The following RALYL variants were observed in gnomAD, a reference collection of about 807,000 sequenced individuals.
The protein encoded by RALYL is RALY RNA binding protein like, also known as RNA-binding Raly-like protein.
A neutral mutation model predicts 35.1 loss-of-function variants in RALYL; 29 were observed. The ratio of observed to expected loss-of-function variants is 0.83; its 90% confidence interval spans 0.61 to 1.13. The LOEUF (loss-of-function observed/expected upper bound fraction) is 1.13. RALYL is among the 50% of genes most tolerant of loss of function. The pLI, the probability that RALYL is intolerant of heterozygous loss-of-function variation, is 0.00. For synonymous variants in RALYL, 120 were observed against 127.6 expected (o/e 0.94, Z 0.40); for missense variants, 359 against 360.4 (o/e 1.00, Z 0.03).
At chr8:84,425,408 T>G (rs958461165) in intron 1 of RALYL, among the ~76,000 whole-genome samples, 2 of 152,144 alleles carry the variant, frequency 1.3e-5, no homozygotes, top group Non-Finnish European at 1.5e-5. Flanking sequence ...CTGCTTCGGC[T>G]CGCGCACGGT....
chr8:84,668,827 G>A (rs1333043121), intron 2 of RALYL, among the ~76,000 whole-genome samples: 1 of 152,030 alleles, frequency 6.6e-6, no homozygotes, highest in Admixed American at 6.6e-5. Flanking sequence ...GATATTAAAG[G>A]ATTTTTTTAA....
chr8:84,434,984 AC>A (rs2047545408), intron 1 of RALYL, among the ~76,000 whole-genome samples: 1 of 152,174 alleles, frequency 6.6e-6, no homozygotes, highest in Non-Finnish European at 1.5e-5. Flanking sequence ...TGATATTTGA[AC>A]ACACTAACAT....
At chr8:84,322,164 A>G (rs1844979697) in intron 1 of RALYL, among the ~76,000 whole-genome samples, 1 of 152,224 alleles carries the variant, frequency 6.6e-6, no homozygotes, top group South Asian at 2.1e-4. Flanking sequence ...AGCAGTATAA[A>G]TCAACTTCAT....
intron 4 of RALYL, among the ~76,000 whole-genome samples, chr8:84,836,738 T>A (rs1832103764): frequency 6.6e-6 from 1 of 152,196 alleles, no homozygotes; most frequent in Non-Finnish European, 1.5e-5. Context: ...AGAAGAAGGA[T>A]CCTGTAGATA....
chr8:84,680,915 A>G (rs562516256), intron 2 of RALYL, among the ~76,000 whole-genome samples: 21 of 152,068 alleles, frequency 1.4e-4, no homozygotes, highest in Admixed American at 1.3e-3. Flanking sequence ...TTAGACATGA[A>G]GTCCTTGCCC....
chr8:84,673,446 G>A (rs192618214), intron 2 of RALYL, among the ~76,000 whole-genome samples: 33 of 151,992 alleles, frequency 2.2e-4, no homozygotes, highest in African/African-American at 6.8e-4. Context: ...ATTTTTGCTC[G>A]TACCTATATC....
At chr8:84,611,510 G>A (rs928941007) in intron 2 of RALYL, among the ~76,000 whole-genome samples, 7 of 151,844 alleles carry the variant, frequency 4.6e-5, no homozygotes, top group Admixed American at 1.3e-4. Flanking sequence ...AGAGATATGC[G>A]GGTGTGTGTT....
At chr8:84,315,809 C>G (rs537135989) in intron 1 of RALYL, among the ~76,000 whole-genome samples, 104 of 148,456 alleles carry the variant, frequency 7.0e-4, no homozygotes, top group African/African-American at 2.5e-3. Context: ...CTCTGCTATC[C>G]CACTGCCTGA....
intron 1 of RALYL, among the ~76,000 whole-genome samples, chr8:84,290,973 CTT>C (rs1183702714): frequency 1.3e-5 from 2 of 151,924 alleles, no homozygotes; most frequent in Non-Finnish European, 2.9e-5. Context: ...TTTCAGATCT[CTT>C]TTCCATATCT....
intron 5 of RALYL, among the ~76,000 whole-genome samples, chr8:84,856,243 G>A (rs1347124956): frequency 6.6e-6 from 1 of 152,154 alleles, no homozygotes; most frequent in African/African-American, 2.4e-5. Context: ...TTTTGTGCCA[G>A]TTTCCTTCCT....
At chr8:84,512,226 G>C (rs960400921) in intron 1 of RALYL, among the ~76,000 whole-genome samples, 2 of 151,602 alleles carry the variant, frequency 1.3e-5, no homozygotes, top group African/African-American at 2.4e-5. Flanking sequence ...TGTTATTGTT[G>C]TTATCTTTTT....
intron 1 of RALYL, among the ~76,000 whole-genome samples, chr8:84,266,399 A>G (rs933672951): frequency 6.6e-6 from 1 of 152,218 alleles, no homozygotes; most frequent in Non-Finnish European, 1.5e-5. Context: ...TCAGAGCTCC[A>G]AGAGAATGAG....
chr8:84,532,572 C>T (rs947835410), intron 2 of RALYL, among the ~76,000 whole-genome samples: 8 of 151,902 alleles, frequency 5.3e-5, no homozygotes, highest in African/African-American at 1.7e-4. Context: ...GTGTCAGGTA[C>T]CACGACCTAT....
chr8:84,462,094 C>A (rs78108887), intron 1 of RALYL, among the ~76,000 whole-genome samples: 2,514 of 151,590 alleles, frequency 0.017, 70 homozygotes, highest in African/African-American at 0.057. Context: ...TACTTCCGTG[C>A]CACCTTTTGG....
At chr8:84,207,920 G>C (rs1420962228) in intron 1 of RALYL, among the ~76,000 whole-genome samples, 1 of 151,796 alleles carries the variant, frequency 6.6e-6, no homozygotes, top group Non-Finnish European at 1.5e-5. Flanking sequence ...TTTCATCAAA[G>C]GGAAATTAGG....
chr8:84,632,596 T>TGTGA (rs757861751), intron 2 of RALYL, among the ~76,000 whole-genome samples: 97 of 151,844 alleles, frequency 6.4e-4, no homozygotes, highest in Non-Finnish European at 1.2e-3. Context: ...TGTGTGTGTG[T>TGTGA]GTGTGTGTGT....
At chr8:84,478,271 A>G (rs542651545) in intron 1 of RALYL, among the ~76,000 whole-genome samples, 1 of 152,274 alleles carries the variant, frequency 6.6e-6, no homozygotes, top group African/African-American at 2.4e-5. Context: ...CACTACTAAG[A>G]CCACAAATAC....
intron 1 of RALYL, among the ~76,000 whole-genome samples, chr8:84,462,773 A>T (rs1162358878): frequency 1.3e-5 from 2 of 151,672 alleles, no homozygotes; most frequent in Non-Finnish European, 3.0e-5. Flanking sequence ...CCTCCAAACT[A>T]TCCCACACTT....
intron 2 of RALYL, among the ~76,000 whole-genome samples, chr8:84,589,019 TC>T (rs1210233212): frequency 6.6e-6 from 1 of 152,120 alleles, no homozygotes; most frequent in African/African-American, 2.4e-5. Flanking sequence ...TGCCTCAGCC[TC>T]CCGAGTAGTT....
Sources: allele counts gnomAD v4.1 joint callset (sites outside exome capture counted in the v4.1 genomes callset), GRCh38; gene constraint gnomAD v4.1.1; transcripts MANE v1.5; gene names NCBI Gene and HGNC (gene_info 2026-07-23, HGNC 2026-07-21).